The following CDK19 variants were observed in gnomAD, a reference collection of about 807,000 sequenced individuals.
CDK19 encodes cyclin-dependent kinase 19.
A neutral mutation model predicts 68.3 loss-of-function variants in CDK19; 20 were observed. The observed-to-expected ratio is 0.29, with a 90% CI of 0.21 to 0.43. CDK19 has a LOEUF of 0.43. CDK19 is among the 20% of genes least tolerant of loss of function. CDK19 has a pLI of 1.00. For synonymous variants in CDK19, 221 were observed against 222.8 expected (o/e 0.99, Z 0.07); for missense variants, 339 against 623.5 (o/e 0.54, Z 4.86).
At chr6:110,727,985 C>G (rs1192094382) in intron 2 of CDK19, among the ~76,000 whole-genome samples, 1 of 78,324 alleles carries the variant, frequency 1.3e-5, no homozygotes, top group Non-Finnish European at 3.1e-5. Context: ...AAGACCCTGT[C>G]TCAAAAAAAA....
intron 6 of CDK19, 42 bp downstream of exon 6, chr6:110,631,988 T>G: frequency 6.5e-7 from 1 of 1,541,340 alleles, no homozygotes; most frequent in Non-Finnish European, 8.9e-7. Flanking sequence ...ATATTTATGA[T>G]CGTTAGATGA....
At chr6:110,719,972 G>GCCCCCCCCCCCCCCCCCCCCC (rs1167384607) in intron 2 of CDK19, among the ~76,000 whole-genome samples, 91 of 45,556 alleles carry the variant, frequency 2.0e-3, no homozygotes, top group Non-Finnish European at 2.3e-3. Flanking sequence ...CTTGTGATCC[G>GCCCCCCCCCCCCCCCCCCCCC]CCCCCCCCCC....
chr6:110,753,156 C>T (rs1778590422), intron 1 of CDK19, among the ~76,000 whole-genome samples: 1 of 152,058 alleles, frequency 6.6e-6, no homozygotes, highest in Admixed American at 6.6e-5. Flanking sequence ...TCTCGAATTC[C>T]TGGGCTCAAG....
In CDK19 at chr6:110,621,025, T is replaced by TAA; in HGVS notation, c.1377+78_1377+79insTT. ...ACAGTCAAATGTAAGAGTTAAGTGT[T>TAA]ACTTAACTCTAAAAGGATCTAGGAT... is the stretch of plus-strand genomic sequence containing the variant. On this transcript the variant is annotated intron_variant, in intron 12 of 12. Transcript: ENST00000368911. This position sits in a 1 kb window ranked among gnomAD's most constrained non-coding sequence, Gnocchi z 5.4. 7.7e-7 allele frequency: 1 copy of TAA among 1,298,486 alleles called. No homozygotes were observed. Among genetic ancestry groups the TAA allele is most frequent in the East Asian group, 2.3e-5 (1 of 42,760 alleles). The allele number at this position is 1,298,486 out of a possible 1,614,324, so 80.4% of individuals were successfully genotyped here.
intron 2 of CDK19, among the ~76,000 whole-genome samples, chr6:110,682,993 T>C (rs953517248): frequency 1.3e-5 from 2 of 151,912 alleles, no homozygotes; most frequent in Non-Finnish European, 2.9e-5. Flanking sequence ...CTGGCCAATA[T>C]GGTGAAACCC....
rs75400877 is a variant in CDK19, at chr6:110,663,739, C to T, written c.456+3695G>A. Among the ~76,000 whole-genome samples the T allele has an allele frequency of 3.4e-3, 516 of 152,242 alleles. 3 individuals are homozygous for T. The highest frequency in any genetic ancestry group is 0.011 in the African/African-American group (472 of 41,546). On this transcript the variant is annotated intron_variant, in intron 4 of 12. Transcript: ENST00000368911. ...AGCGATGGGGACTCACTATGTTGCT[C>T]AGGCTACTCTTGAACTCCTGGGCTC...
At chr6:110,808,077 A>G (rs188522824) in intron 1 of CDK19, among the ~76,000 whole-genome samples, 1 of 152,298 alleles carries the variant, frequency 6.6e-6, no homozygotes, top group Admixed American at 6.5e-5. Flanking sequence ...CAGTTTTCCT[A>G]TTTATCCACA....
intron 2 of CDK19, among the ~76,000 whole-genome samples, chr6:110,716,312 A>G (rs1429858178): frequency 6.6e-6 from 1 of 152,142 alleles, no homozygotes; most frequent in African/African-American, 2.4e-5. Flanking sequence ...GCATTTCTAT[A>G]TATAAAAAAA....
At chr6:110,763,707 G>A (rs971129841) in intron 1 of CDK19, among the ~76,000 whole-genome samples, 3 of 151,364 alleles carry the variant, frequency 2.0e-5, no homozygotes, top group African/African-American at 2.4e-5. Flanking sequence ...GAGCCGCCAC[G>A]CCCAGCCTGC....
chr6:110,811,338 T>C (rs1433930141), intron 1 of CDK19, among the ~76,000 whole-genome samples: 2 of 152,222 alleles, frequency 1.3e-5, no homozygotes, highest in Non-Finnish European at 2.9e-5. Context: ...TTAAGTTATG[T>C]AGTCATCAAC....
chr6:110,795,876 T>C (rs10447427), intron 1 of CDK19, among the ~76,000 whole-genome samples: 7,217 of 152,274 alleles, frequency 0.047, 179 homozygotes, highest in Middle Eastern at 0.078. Flanking sequence ...ACACTGATCA[T>C]ATCTACAGTT....
At chr6:110,796,006 T>C (rs1391372677) in intron 1 of CDK19, among the ~76,000 whole-genome samples, 1 of 152,196 alleles carries the variant, frequency 6.6e-6, no homozygotes, top group Non-Finnish European at 1.5e-5. Context: ...AGTAATTTAG[T>C]AACTACTTAT....
chr6:110,806,231 T>C (rs1310704471), intron 1 of CDK19, among the ~76,000 whole-genome samples: 2 of 151,168 alleles, frequency 1.3e-5, no homozygotes, highest in East Asian at 2.0e-4. Flanking sequence ...TCCCAGCTAC[T>C]TGGGAGGCTG....
chr6:110,720,737 C>A (rs1775804429), intron 2 of CDK19, among the ~76,000 whole-genome samples: 1 of 151,802 alleles, frequency 6.6e-6, no homozygotes. Flanking sequence ...TGTGGTGGTG[C>A]ACACCTGTAG....
rs1054158380 is a variant in CDK19, at chr6:110,612,311, G to A, written c.*2224C>T. ...GCTGCTGTGAACATTTCAAAGATACGTCAATGCCTTTTGTGATATTGAATC... is the reference window on the plus strand; with the variant it reads ...GCTGCTGTGAACATTTCAAAGATACATCAATGCCTTTTGTGATATTGAATC... On this transcript the variant is annotated 3_prime_UTR_variant, in exon 13 of 13. Transcript: ENST00000368911. The A allele has an allele frequency of 3.9e-5, 6 of 152,500 alleles. No homozygotes were observed. The highest frequency in any genetic ancestry group is 8.8e-5 in the Non-Finnish European group (6 of 68,026). The allele number at this position is 152,500 out of a possible 1,614,324, so 9.4% of individuals were successfully genotyped here.
At chr6:110,676,183 GA>G (rs552708595) in intron 2 of CDK19, among the ~76,000 whole-genome samples, 16 of 152,220 alleles carry the variant, frequency 1.1e-4, no homozygotes, top group Non-Finnish European at 1.8e-4. Context: ...AAGTAAATGA[GA>G]TGTGGTAGCA....
At chr6:110,787,469 C>T (rs1451439284) in intron 1 of CDK19, among the ~76,000 whole-genome samples, 1 of 152,050 alleles carries the variant, frequency 6.6e-6, no homozygotes, top group Non-Finnish European at 1.5e-5. Flanking sequence ...GAGAGGGGAA[C>T]AAGGTCTCAC....
At chr6:110,629,653 C>T (rs1257758452) in intron 6 of CDK19, among the ~76,000 whole-genome samples, 1 of 152,108 alleles carries the variant, frequency 6.6e-6, no homozygotes, top group Non-Finnish European at 1.5e-5. Flanking sequence ...CTTGCCCGGC[C>T]CTAAGTACTC....
chr6:110,617,917 T>C (rs1342506506), intron 12 of CDK19, among the ~76,000 whole-genome samples: 2 of 147,718 alleles, frequency 1.4e-5, no homozygotes, highest in Non-Finnish European at 3.0e-5. Context: ...AATTTCTGCT[T>C]AAAAACCTAG....
Sources: allele counts gnomAD v4.1 joint callset (sites outside exome capture counted in the v4.1 genomes callset), GRCh38; gene constraint gnomAD v4.1.1; non-coding constraint Gnocchi (gnomAD v3.1); transcripts MANE v1.5; gene names NCBI Gene and HGNC (gene_info 2026-07-23, HGNC 2026-07-21).